Variants in SLC6A20 observed in about 807,000 individuals in gnomAD.
SLC6A20 encodes the protein sodium- and chloride-dependent transporter XTRP3.
In SLC6A20, 73 loss-of-function variants were observed where a neutral mutation model predicts 64.3. The observed-to-expected ratio is 1.14, with a 90% CI of 0.94 to 1.38. The LOEUF is 1.38. Ranked by LOEUF, SLC6A20 falls within the 40% of genes most tolerant of loss-of-function variation. The pLI is 0.00. For missense variants in SLC6A20, 725 were observed against 772.8 expected, an observed-to-expected ratio of 0.94 and a Z score of 0.73; for synonymous variants, 347 against 329.6, an observed-to-expected ratio of 1.05 and a Z score of -0.57.
intron 1 of SLC6A20, among the ~76,000 whole-genome samples, chr3:45,785,830 G>A (rs910163585): frequency 6.6e-6 from 1 of 152,204 alleles, no homozygotes; most frequent in Non-Finnish European, 1.5e-5. Flanking sequence ...TTGTCCAGTA[G>A]AATGTGGTGT....
intron 2 of SLC6A20, 109 bp from the exon 3 acceptor site, chr3:45,780,209 C>G (rs571944608): frequency 7.5e-6 from 7 of 929,742 alleles, no homozygotes; most frequent in Non-Finnish European, 1.1e-5. Flanking sequence ...CCGGGGTGGG[C>G]GAGGCCTCCC....
At chr3:45,761,881 G>A (rs62242240) in intron 9 of SLC6A20, among the ~76,000 whole-genome samples, 15,609 of 152,230 alleles carry the variant, frequency 0.1, 1,017 homozygotes, top group East Asian at 0.16. Context: ...AGATCCCTCA[G>A]CATGGCACGG....
intron 7 of SLC6A20, among the ~76,000 whole-genome samples, chr3:45,768,925 A>AAAAAGG (rs1460249087): frequency 1.3e-5 from 2 of 152,198 alleles, no homozygotes; most frequent in Non-Finnish European, 2.9e-5. Context: ...ATACAATAAG[A>AAAAAGG]AAAAGGGAAT....
intron 1 of SLC6A20, among the ~76,000 whole-genome samples, chr3:45,795,662 G>T (rs180984941): frequency 1.8e-3 from 270 of 152,352 alleles, no homozygotes; most frequent in African/African-American, 5.8e-3. Context: ...GCAACGCTAG[G>T]GGAGTGCGGT....
chr3:45,774,224 A>C (rs1031015819), intron 4 of SLC6A20, among the ~76,000 whole-genome samples: 1 of 152,242 alleles, frequency 6.6e-6, no homozygotes, highest in Non-Finnish European at 1.5e-5. Flanking sequence ...AGAAGGGTGT[A>C]GCTGAAGCAG....
chr3:45,761,637 G>C (rs1167448281), intron 9 of SLC6A20, among the ~76,000 whole-genome samples: 1 of 152,114 alleles, frequency 6.6e-6, no homozygotes, highest in Non-Finnish European at 1.5e-5. Context: ...CCTCAATCCT[G>C]GGGAAACAGG....
chr3:45,772,914 G>A (rs1163917091), intron 4 of SLC6A20, among the ~76,000 whole-genome samples: 2 of 152,046 alleles, frequency 1.3e-5, no homozygotes, highest in Non-Finnish European at 2.9e-5. Flanking sequence ...ACCTTATTCT[G>A]GAAAGGATTT....
At chr3:45,767,322 T>A (rs1490802835) in intron 7 of SLC6A20, among the ~76,000 whole-genome samples, 2 of 152,104 alleles carry the variant, frequency 1.3e-5, no homozygotes, top group African/African-American at 4.8e-5. Flanking sequence ...AGGATAACAT[T>A]ACAAAAATAA....
Position 45,765,863 on chromosome 3 carries a change from G to T in SLC6A20, c.1099-122C>A. ...CCATGAGAAGCCACATTGTGAGGTT[G>T]GAGCTTCCATCTGCAGATCAACCCC... On this transcript the variant is annotated intron_variant, in intron 7 of 10. Coordinates refer to ENST00000358525, the MANE Select transcript of SLC6A20 (RefSeq NM_020208.4). The surrounding 1 kb of genome is among the most constrained non-coding windows in gnomAD (Gnocchi z 4.2). 1 of 1,045,734 alleles carries T rather than the reference G, an allele frequency of 9.6e-7. No homozygotes were observed. The highest frequency in any genetic ancestry group is 1.4e-6 in the Non-Finnish European group (1 of 712,502). The allele number at this position is 1,045,734 out of a possible 1,614,324, so 64.8% of individuals were successfully genotyped here. A position where few individuals can be genotyped will look rare whatever the true frequency, so the allele number is the denominator to read the frequency against.
Position 45,758,607 on chromosome 3 carries a change from G to GGT in SLC6A20, c.*369_*370dup. The GGT allele has an allele frequency of 9.0e-7, 1 of 1,107,734 alleles. No individual in the cohort carries two copies. The allele number at this position is 1,107,734 out of a possible 1,614,324, so 68.6% of individuals were successfully genotyped here. A position where few individuals can be genotyped will look rare whatever the true frequency, so the allele number is the denominator to read the frequency against. On this transcript the variant is annotated 3_prime_UTR_variant, in exon 11 of 11. Transcript: ENST00000358525. The stretch of plus-strand genomic sequence containing the variant: ...AAAAATATTTGTCCTCTAATATTTT[G>GGT]GTGTCTCTTCAGCCAAAAACAAAAA...
intron 10 of SLC6A20, among the ~76,000 whole-genome samples, 188 bp downstream of exon 10, chr3:45,759,669 T>C (rs1422651145): frequency 6.6e-6 from 1 of 152,194 alleles, no homozygotes; most frequent in East Asian, 1.9e-4. Flanking sequence ...CTGAAGCACA[T>C]ACCTAAAAGC....
In SLC6A20 at chr3:45,796,470, T is replaced by C. The variant is rs778412468; in HGVS notation, c.-51A>G. On this transcript the variant is annotated 5_prime_UTR_variant, in exon 1 of 11. Transcript: ENST00000358525. ...CCGGCTCGGGGGTCCGGCACGGCAG[T>C]CTCAGTGCGCGGTCGCCAGGCGCGC... is the stretch of plus-strand genomic sequence containing the variant. 1.4e-5 allele frequency: 22 copies of C among 1,568,176 alleles called. No individual in the cohort carries two copies. Among genetic ancestry groups the C allele is most frequent in the African/African-American group, 1.4e-5 (1 of 71,008 alleles).
At chr3:45,789,843 C>T (rs750500223) in intron 1 of SLC6A20, among the ~76,000 whole-genome samples, 2 of 152,132 alleles carry the variant, frequency 1.3e-5, no homozygotes, top group Non-Finnish European at 1.5e-5. Context: ...CCTCCTGCCT[C>T]GGCCTCCCAA....
chr3:45,762,975 C>T lies in SLC6A20; in HGVS notation c.1401G>A (p.Leu467=). The T allele has an allele frequency of 1.9e-6, 3 of 1,614,180 alleles. No individual in the cohort carries two copies. The highest frequency in any genetic ancestry group is 2.5e-6 in the Non-Finnish European group (3 of 1,180,040). ...CCACCAGCACGATGAGCAGCAGGGACAGTGTGGCCGCGTAGTCGTTGAATA... is the reference window on the plus strand; with the variant it reads ...CCACCAGCACGATGAGCAGCAGGGATAGTGTGGCCGCGTAGTCGTTGAATA... The part of the protein sequence containing the change: ...FDIFNDYAAT[L]SLLLIVLVET... Residue 467 remains leucine, a synonymous_variant, in exon 9 of 11, where the codon CTG becomes CTA. Transcript: ENST00000358525.
intron 1 of SLC6A20, among the ~76,000 whole-genome samples, chr3:45,795,669 C>A (rs935063192): frequency 6.6e-6 from 1 of 152,146 alleles, no homozygotes; most frequent in Non-Finnish European, 1.5e-5. Context: ...TAGGGGAGTG[C>A]GGTAAGAGCG....
Position 45,759,080 on chromosome 3 carries a change from G to C in SLC6A20, c.1677C>G (p.Ile559Met), listed in dbSNP as rs200277005. 4.3e-6 allele frequency: 7 copies of C among 1,612,912 alleles called. No individual in the cohort carries two copies. The East Asian group carries it at 1.6e-4, about 36-fold the overall frequency. Residue 559 changes from isoleucine (I) to methionine (M), a missense_variant, in exon 11 of 11, where the codon ATC (isoleucine) becomes ATG (methionine). Coordinates refer to ENST00000358525, the MANE Select transcript of SLC6A20 (RefSeq NM_020208.4). Reference protein sequence around the residue: ...KDYPAYALAVIGLLVASSTMC... With the variant: ...KDYPAYALAVMGLLVASSTMC... The stretch of plus-strand genomic sequence containing the variant: ...TGGTGGAGGAGGCCACAAGCAGCCC[G>C]ATGACAGCCAGTGCATAGGCCGGGT...
In SLC6A20 at chr3:45,772,380, G is replaced by C. The variant is rs183339433; in HGVS notation, c.693+125C>G. 1.9e-4 allele frequency: 147 copies of C among 769,822 alleles called. 2 individuals carry two copies. The East Asian group carries it at 4.2e-3, about 22-fold the overall frequency. The allele number at this position is 769,822 out of a possible 1,614,324, so 47.7% of individuals were successfully genotyped here. ...TCCACACTCCTGCCACACCCTGGTG[G>C]GCTCACATCAGCTTCCGTAGGTACA... is the stretch of plus-strand genomic sequence containing the variant. On this transcript the variant is annotated intron_variant, in intron 5 of 10. Transcript: ENST00000358525.
At chr3:45,795,522 A>G (rs1304384339) in intron 1 of SLC6A20, among the ~76,000 whole-genome samples, 1 of 152,218 alleles carries the variant, frequency 6.6e-6, no homozygotes, top group Non-Finnish European at 1.5e-5. Flanking sequence ...ACAATTCTAG[A>G]AACGAGACAA....
At chr3:45,762,871 CTG>C (rs1491019666) in intron 9 of SLC6A20, 40 bp downstream of exon 9, 3 of 1,607,322 alleles carry the variant, frequency 1.9e-6, no homozygotes, top group East Asian at 4.5e-5. Flanking sequence ...GCCTCTGTGG[CTG>C]TGTTTTCCCT....
Sources: gnomAD v4.1 joint callset for allele counts (sites outside exome capture counted in the v4.1 genomes callset) on GRCh38, gnomAD v4.1.1 for gene constraint, Gnocchi (gnomAD v3.1) non-coding constraint, MANE v1.5 for transcripts, NCBI Gene and HGNC (gene_info 2026-07-23, HGNC 2026-07-21) for gene names.